The following PRKAA2 variants were observed in gnomAD, a reference collection of about 807,000 sequenced individuals.
PRKAA2 encodes the protein 5'-AMP-activated protein kinase catalytic subunit alpha-2.
In PRKAA2, 40 loss-of-function variants were observed where a neutral mutation model predicts 56.3. The observed-to-expected ratio is 0.71, with a 90% confidence interval of 0.55 to 0.92. The LOEUF (loss-of-function observed/expected upper bound fraction) is 0.92, where lower values mean the gene tolerates loss of function less well. Among genes scored for constraint, PRKAA2 ranks in the 40% least tolerant of loss-of-function variants. PRKAA2 has a pLI of 0.00. For missense variants in PRKAA2, 542 were observed against 686.9 expected (o/e 0.79, Z 2.36); for synonymous variants, 214 against 234.2 (o/e 0.91, Z 0.79).
chr1:56,657,350 C>T (rs1643952672), intron 1 of PRKAA2, among the ~76,000 whole-genome samples: 1 of 152,072 alleles, frequency 6.6e-6, no homozygotes, highest in South Asian at 2.1e-4. Context: ...AAACTGCCAG[C>T]TTATAATTTT....
intron 1 of PRKAA2, among the ~76,000 whole-genome samples, chr1:56,671,645 C>T (rs551929813): frequency 3.7e-4 from 57 of 152,254 alleles, no homozygotes; most frequent in Admixed American, 1.2e-3. Flanking sequence ...TAATCTCCAG[C>T]GACAGAAACT....
chr1:56,688,045 C>A (rs949612553), intron 2 of PRKAA2, among the ~76,000 whole-genome samples: 1 of 152,090 alleles, frequency 6.6e-6, no homozygotes, highest in Non-Finnish European at 1.5e-5. Context: ...GATTGAATTT[C>A]TTGTAATGCT....
At chr1:56,684,464 G>A (rs942112712) in intron 2 of PRKAA2, among the ~76,000 whole-genome samples, 6 of 152,050 alleles carry the variant, frequency 3.9e-5, no homozygotes, top group African/African-American at 1.4e-4. Flanking sequence ...TAAACAAGAA[G>A]TCCAAGGACT....
chr1:56,694,642 A>G (rs1485136446), intron 5 of PRKAA2, among the ~76,000 whole-genome samples: 1 of 152,012 alleles, frequency 6.6e-6, no homozygotes, highest in Non-Finnish European at 1.5e-5. Context: ...GTAACTTCAC[A>G]TGGTGAAAGG....
chr1:56,699,762 C>T (rs1231101257), intron 6 of PRKAA2, among the ~76,000 whole-genome samples: 1 of 152,130 alleles, frequency 6.6e-6, no homozygotes, highest in Non-Finnish European at 1.5e-5. Flanking sequence ...CTCCCCATTT[C>T]CCCTTCCTCC....
At position 56,645,348 on chromosome 1, in the gene PRKAA2, C is replaced by G; in HGVS notation, c.-40C>G. ...GTAGGCGGCGGCGGCGGCGGCTACG[C>G]GGAGCGGCAGGCGGTGGAGCGAGGC... On this transcript the variant is annotated 5_prime_UTR_variant, in exon 1 of 9. Transcript: ENST00000371244. The G allele has an allele frequency of 7.0e-7, 1 of 1,419,902 alleles. No individual in the cohort carries two copies. 88.0% of individuals were successfully genotyped at this position (1,419,902 alleles called of 1,614,324 possible). A position where few individuals can be genotyped will look rare whatever the true frequency, so the allele number is the denominator to read the frequency against.
chr1:56,645,852 G>C (rs981533123), intron 1 of PRKAA2, among the ~76,000 whole-genome samples: 3 of 152,178 alleles, frequency 2.0e-5, no homozygotes, highest in African/African-American at 2.4e-5. Flanking sequence ...TTCCAGCTCT[G>C]AGCCTGTAGG....
At chr1:56,663,087 G>GT (rs1456259683) in intron 1 of PRKAA2, among the ~76,000 whole-genome samples, 1 of 152,020 alleles carries the variant, frequency 6.6e-6, no homozygotes, top group Non-Finnish European at 1.5e-5. Flanking sequence ...TTTGTTTGTT[G>GT]TTTTTTGTTT....
chr1:56,684,945 C>A (rs1043367147), intron 2 of PRKAA2, among the ~76,000 whole-genome samples: 5 of 151,974 alleles, frequency 3.3e-5, no homozygotes, highest in Admixed American at 3.3e-4. Context: ...GGAATTGATA[C>A]AAAAGAAAGA....
At chr1:56,667,541 G>A (rs1390596187) in intron 1 of PRKAA2, among the ~76,000 whole-genome samples, 2 of 152,064 alleles carry the variant, frequency 1.3e-5, no homozygotes, top group Admixed American at 6.6e-5. Context: ...TTGCATTATA[G>A]TATAATCATT....
intron 1 of PRKAA2, among the ~76,000 whole-genome samples, chr1:56,668,256 G>T (rs1422864327): frequency 1.4e-5 from 2 of 138,370 alleles, no homozygotes; most frequent in African/African-American, 5.3e-5. Flanking sequence ...ACACTCTGGG[G>T]ACTGTTGTGG....
chr1:56,703,961 T>C lies in PRKAA2; in HGVS notation c.789-10T>C. 1 of 1,589,036 alleles carries C rather than the reference T, an allele frequency of 6.3e-7. No individual in the cohort carries two copies. Among genetic ancestry groups the C allele is most frequent in the South Asian group, 1.2e-5 (1 of 85,244 alleles). On this transcript the variant is annotated splice_polypyrimidine_tract_variant and intron_variant, in intron 6 of 8. Transcript: ENST00000371244. ...TGTCTTACAATAATGTATTGTGGTGTTTTTCCTAGAGAGCATGAATGGTTT... is the reference window on the plus strand; with the variant it reads ...TGTCTTACAATAATGTATTGTGGTGCTTTTCCTAGAGAGCATGAATGGTTT...
Position 56,712,902 on chromosome 1 carries a change from T to C in PRKAA2, c.*5189T>C, listed in dbSNP as rs1049204580. 6.6e-6 allele frequency: 1 copy of C among 152,084 alleles called. No individual in the cohort carries two copies. The highest frequency in any genetic ancestry group is 1.5e-5 in the Non-Finnish European group (1 of 67,992). 9.4% of individuals were successfully genotyped at this position (152,084 alleles called of 1,614,324 possible). On this transcript the variant is annotated 3_prime_UTR_variant, in exon 9 of 9. Coordinates refer to ENST00000371244, the MANE Select transcript of PRKAA2 (RefSeq NM_006252.4). ...AACTAGCCCCAGTCCCTGTCTAAAT[T>C]GTTATAGTTTTTGACTATTATCTGA... is the stretch of plus-strand genomic sequence containing the variant.
rs1249389068 is a variant in PRKAA2, at chr1:56,698,815, ATATT to A, written c.788+2662_788+2665del. Among the ~76,000 whole-genome samples, 5 of 152,308 alleles carry A rather than the reference ATATT, an allele frequency of 3.3e-5. No homozygotes were observed. In the East Asian group the frequency reaches 9.6e-4, roughly 29 times the overall value. The stretch of plus-strand genomic sequence containing the variant: ...ATTTTCGCTTTTATTCATTCAACAA[ATATT>A]TATTTCACATCTGCTCTGTGCAAGG... On this transcript the variant is annotated intron_variant, in intron 6 of 8. Transcript: ENST00000371244.
rs535107663 is a variant in PRKAA2, at chr1:56,661,229, T to A, written c.95-13152T>A. The stretch of plus-strand genomic sequence containing the variant: ...TTTTATTGTACTCCATATACAAGAG[T>A]ATACTGGCATCTTTTACGTAAATTC... On this transcript the variant is annotated intron_variant, in intron 1 of 8. Transcript: ENST00000371244. Among the ~76,000 whole-genome samples, 6 of 152,218 alleles carry A rather than the reference T, an allele frequency of 3.9e-5. No individual in the cohort carries two copies. In the East Asian group the frequency reaches 1.2e-3, roughly 29 times the overall value.
chr1:56,668,950 G>C (rs1356791228), intron 1 of PRKAA2, among the ~76,000 whole-genome samples: 3 of 152,146 alleles, frequency 2.0e-5, no homozygotes, highest in African/African-American at 7.2e-5. Context: ...TCCAGAAAGT[G>C]GCAACCGAAA....
intron 6 of PRKAA2, 61 bp downstream of exon 6, chr1:56,696,220 A>G: frequency 6.8e-7 from 1 of 1,470,580 alleles, no homozygotes. Context: ...ATGTTAATTA[A>G]ATGATTCTCC....
chr1:56,684,612 G>A (rs1294486235), intron 2 of PRKAA2, among the ~76,000 whole-genome samples: 1 of 152,126 alleles, frequency 6.6e-6, no homozygotes, highest in African/African-American at 2.4e-5. Flanking sequence ...AGTGTTTTAG[G>A]AAAGATCACC....
At chr1:56,687,816 G>A (rs1644202040) in intron 2 of PRKAA2, among the ~76,000 whole-genome samples, 1 of 151,930 alleles carries the variant, frequency 6.6e-6, no homozygotes, top group Non-Finnish European at 1.5e-5. Flanking sequence ...GGCTAACTTT[G>A]GAAAGATTTC....
Sources: allele counts gnomAD v4.1 joint callset (sites outside exome capture counted in the v4.1 genomes callset), GRCh38; gene constraint gnomAD v4.1.1; transcripts MANE v1.5; gene names NCBI Gene and HGNC (gene_info 2026-07-23, HGNC 2026-07-21).